WNK1: variants seen among roughly 807,000 people sequenced by gnomAD.
WNK1 encodes serine/threonine-protein kinase WNK1.
Under a neutral mutation model 222.8 loss-of-function variants are expected in WNK1, and 38 were observed. The observed-to-expected ratio is 0.17, with a 90% confidence interval of 0.13 to 0.22. The LOEUF is 0.22. WNK1 is among the 10% of genes least tolerant of loss of function. The probability of loss-of-function intolerance (pLI) is 1.00; values close to 1 mark genes in which losing one functional copy is unlikely to be tolerated. For synonymous variants in WNK1, 1,090 were observed against 1,092.9 expected, an observed-to-expected ratio of 1.00 and a Z score of 0.05; for missense variants, 2,348 against 2,918.4, an observed-to-expected ratio of 0.80 and a Z score of 4.50.
intron 4 of WNK1, among the ~76,000 whole-genome samples, chr12:852,659 T>C (rs1336721516): frequency 2.0e-5 from 3 of 152,208 alleles, no homozygotes; most frequent in Non-Finnish European, 4.4e-5. Flanking sequence ...CTTGTTATCA[T>C]TACTTTGTTC....
intron 25 of WNK1, 108 bp downstream of exon 25, chr12:897,789 A>AT: frequency 8.2e-7 from 1 of 1,213,902 alleles, no homozygotes; most frequent in Non-Finnish European, 1.2e-6. Context: ...TTTCAAAGGA[A>AT]TTTGGCTCTC....
chr12:762,152 T>G (rs2153927065), intron 1 of WNK1, among the ~76,000 whole-genome samples: 1 of 145,676 alleles, frequency 6.9e-6, no homozygotes, highest in East Asian at 2.0e-4. Flanking sequence ...CTCTGCCTCC[T>G]GGGTTCAAGC....
intron 22 of WNK1, among the ~76,000 whole-genome samples, chr12:894,173 G>A (rs557824704): frequency 6.6e-6 from 1 of 152,132 alleles, no homozygotes; most frequent in Non-Finnish European, 1.5e-5. Flanking sequence ...AGCTGAGATC[G>A]CACCACTGCA....
At chr12:777,386 C>T (rs1233600139) in intron 1 of WNK1, among the ~76,000 whole-genome samples, 1 of 151,880 alleles carries the variant, frequency 6.6e-6, no homozygotes, top group Non-Finnish European at 1.5e-5. Context: ...TCTCATTCTC[C>T]TGAGGTAGTG....
chr12:804,448 C>T (rs1946166753), intron 1 of WNK1, among the ~76,000 whole-genome samples: 3 of 115,536 alleles, frequency 2.6e-5, no homozygotes, highest in Non-Finnish European at 6.3e-5. Context: ...TCTCAGCTCA[C>T]TGCAACCTAT....
Position 753,370 on chromosome 12 carries a change from A to G in WNK1, c.-196A>G, listed in dbSNP as rs1200778231. ...CGTGAGCCGCAGCAGCCTCGGTGCC[A>G]GCCCCCGCCGCAGCTGGGCCCAGCG... is the stretch of plus-strand genomic sequence containing the variant. On this transcript the variant is annotated 5_prime_UTR_variant, in exon 1 of 28. Coordinates refer to ENST00000315939, the MANE Select transcript of WNK1 (RefSeq NM_018979.4). This position sits in a 1 kb window ranked among gnomAD's most constrained non-coding sequence, Gnocchi z 5.2. 14 of 688,708 alleles carry G rather than the reference A, an allele frequency of 2.0e-5. No individual in the cohort carries two copies. Among genetic ancestry groups the G allele is most frequent in the Non-Finnish European group, 3.1e-5 (13 of 421,898 alleles). 42.7% of individuals were successfully genotyped at this position (688,708 alleles called of 1,614,324 possible). A position where few individuals can be genotyped will look rare whatever the true frequency, so the allele number is the denominator to read the frequency against.
rs769092053 is a variant in WNK1, at chr12:868,124, G to T, written c.2140-3141G>T. On this transcript the variant is annotated intron_variant, in intron 8 of 27. Transcript: ENST00000315939. Reference sequence around the variant, plus strand: ...AACTAACTGGACACCAGAGGCCGTAGTTATGTTGGGTACTACAGCCAGTAG... The same window carrying T: ...AACTAACTGGACACCAGAGGCCGTATTTATGTTGGGTACTACAGCCAGTAG... 43 of 1,613,932 alleles carry T rather than the reference G, an allele frequency of 2.7e-5. No individual in the cohort carries two copies. The highest frequency in any genetic ancestry group is 3.5e-5 in the Non-Finnish European group (41 of 1,179,916).
intron 2 of WNK1, among the ~76,000 whole-genome samples, chr12:820,468 T>G (rs1180276065): frequency 3.1e-4 from 4 of 12,884 alleles, no homozygotes; most frequent in Non-Finnish European, 6.4e-4. Context: ...TCTTTGGGGT[T>G]TTTTTTTTTT....
chr12:832,859 C>T (rs950861839), intron 4 of WNK1, among the ~76,000 whole-genome samples: 6 of 152,178 alleles, frequency 3.9e-5, no homozygotes, highest in Non-Finnish European at 5.9e-5. Flanking sequence ...TTTATGCCTT[C>T]AGATGATTCT....
chr12:754,545 G>A (rs1939683410), intron 1 of WNK1, among the ~76,000 whole-genome samples: 1 of 152,206 alleles, frequency 6.6e-6, no homozygotes, highest in Admixed American at 6.5e-5. Context: ...ATTTGCTACC[G>A]GGCAGCGGTG....
chr12:857,342 A>G (rs748382748), intron 5 of WNK1, 93 bp downstream of exon 5: 58 of 1,149,256 alleles, frequency 5.0e-5, no homozygotes, highest in Non-Finnish European at 6.7e-5. Context: ...TGTATTTAAT[A>G]TTTGTGATTG....
intron 1 of WNK1, among the ~76,000 whole-genome samples, chr12:806,049 T>C (rs1252195317): frequency 6.6e-6 from 1 of 152,136 alleles, no homozygotes; most frequent in African/African-American, 2.4e-5. Context: ...GGAATACATA[T>C]GGGAGAATAA....
At position 884,520 on chromosome 12, in the gene WNK1, G is replaced by A; in HGVS notation, c.3845-129G>A. 2.9e-6 allele frequency: 3 copies of A among 1,028,576 alleles called. No individual in the cohort carries two copies. In the South Asian group the frequency reaches 4.2e-5, roughly 14 times the overall value. 63.7% of individuals were successfully genotyped at this position (1,028,576 alleles called of 1,614,324 possible). On this transcript the variant is annotated intron_variant, in intron 18 of 27. Coordinates refer to ENST00000315939, the MANE Select transcript of WNK1 (RefSeq NM_018979.4). This position sits in a 1 kb window ranked among gnomAD's most constrained non-coding sequence, Gnocchi z 5.6. The stretch of plus-strand genomic sequence containing the variant: ...TTCTGCACTTAGTACTGTTGTCTAT[G>A]TTTTAAGATTACTCCATATTTTTTA...
intron 4 of WNK1, among the ~76,000 whole-genome samples, chr12:830,544 T>A (rs543604925): frequency 1.3e-5 from 2 of 152,242 alleles, no homozygotes; most frequent in African/African-American, 4.8e-5. Context: ...GTTCACTGAC[T>A]TTTCTCTGAA....
At chr12:876,765 T>A (rs1005939034) in intron 9 of WNK1, among the ~76,000 whole-genome samples, 4 of 152,146 alleles carry the variant, frequency 2.6e-5, no homozygotes, top group Non-Finnish European at 4.4e-5. Flanking sequence ...GAAATTAAAG[T>A]AGTATGCTAT....
intron 1 of WNK1, among the ~76,000 whole-genome samples, chr12:794,129 T>C (rs964589616): frequency 1.3e-5 from 2 of 152,242 alleles, no homozygotes; most frequent in African/African-American, 4.8e-5. Flanking sequence ...TATTTGATTG[T>C]ATGGAGATAC....
chr12:904,202 A>G (rs929414694), intron 26 of WNK1, among the ~76,000 whole-genome samples: 1 of 152,248 alleles, frequency 6.6e-6, no homozygotes, highest in African/African-American at 2.4e-5. Flanking sequence ...TCTTTTAGAT[A>G]CAAAGATTGG....
intron 1 of WNK1, among the ~76,000 whole-genome samples, chr12:777,169 TG>T (rs1395372505): frequency 4.7e-5 from 7 of 150,272 alleles, no homozygotes; most frequent in African/African-American, 7.4e-5. Context: ...TTTTTTTTTT[TG>T]TTTTTTTTTT....
chr12:781,199 C>T lies in WNK1; in HGVS notation c.759+26875C>T, dbSNP rs72647397. 6.7e-3 allele frequency: 1,046 copies of T among 155,806 alleles called. 3 individuals carry two copies. Among genetic ancestry groups the T allele is most frequent in the Non-Finnish European group, 0.012 (820 of 69,916 alleles). 9.7% of individuals were successfully genotyped at this position (155,806 alleles called of 1,614,324 possible). On this transcript the variant is annotated intron_variant, in intron 1 of 27. Transcript: ENST00000315939. The stretch of plus-strand genomic sequence containing the variant: ...ATAGTGAGGGCAGTACTGCTAACGC[C>T]TACATAACATGCCTGCATCATCTAG...
Sources: gnomAD v4.1 joint callset for allele counts (sites outside exome capture counted in the v4.1 genomes callset) on GRCh38, gnomAD v4.1.1 for gene constraint, Gnocchi (gnomAD v3.1) non-coding constraint, MANE v1.5 for transcripts, NCBI Gene and HGNC (gene_info 2026-07-23, HGNC 2026-07-21) for gene names.